Variants in SLC25A51 observed in about 807,000 individuals in gnomAD.
SLC25A51 encodes the protein mitochondrial nicotinamide adenine dinucleotide transporter SLC25A51.
A neutral mutation model predicts 19.1 loss-of-function variants in SLC25A51; 11 were observed. The ratio of observed to expected loss-of-function variants is 0.58; its 90% CI spans 0.36 to 0.96. The LOEUF is 0.96. Among genes scored for constraint, SLC25A51 ranks in the 40% least tolerant of loss-of-function variants. The probability of loss-of-function intolerance (pLI) is 0.01; values close to 1 mark genes in which losing one functional copy is unlikely to be tolerated. For missense variants in SLC25A51, 201 were observed against 365.4 expected, an observed-to-expected ratio of 0.55 and a Z score of 3.67; for synonymous variants, 105 against 133.6, an observed-to-expected ratio of 0.79 and a Z score of 1.47.
At chr9:37,885,875 CA>C, downstream of SLC25A51, 1 of 1,588,144 alleles carries the variant, frequency 6.3e-7, no homozygotes, top group Non-Finnish European at 8.6e-7. Context: ...TGATGACGTG[CA>C]AACCCCCCCC....
chr9:37,890,154 G>A (rs974866122), intron 2 of SLC25A51, among the ~76,000 whole-genome samples: 17 of 152,140 alleles, frequency 1.1e-4, no homozygotes, highest in Non-Finnish European at 2.9e-5. Flanking sequence ...GGAGGCTGGG[G>A]CAGGAGGATT....
downstream of SLC25A51, among the ~76,000 whole-genome samples, chr9:37,884,328 C>T (rs1299286269): frequency 6.6e-6 from 1 of 152,182 alleles, no homozygotes; most frequent in East Asian, 1.9e-4. Context: ...TGCTATTTGG[C>T]TATTACCTAC....
At chr9:37,885,835 T>A, downstream of SLC25A51, 3 of 1,605,464 alleles carry the variant, frequency 1.9e-6, no homozygotes, top group Non-Finnish European at 2.6e-6. Context: ...CGCATGGGCC[T>A]ACTTTACATC....
At chr9:37,885,985 C>A, downstream of SLC25A51, 1 of 1,613,702 alleles carries the variant, frequency 6.2e-7, no homozygotes, top group Non-Finnish European at 8.5e-7. Context: ...TTGTGGAGTT[C>A]TTTGCCAATT....
At chr9:37,891,865 ATTT>A (rs1554693907) in intron 2 of SLC25A51, among the ~76,000 whole-genome samples, 1 of 132,806 alleles carries the variant, frequency 7.5e-6, no homozygotes, top group African/African-American at 2.8e-5. Context: ...AAAAAAAAAA[ATTT>A]TATATATATA....
chr9:37,879,955 C>T (rs907125069), exon 4 of SLC25A51: 4 of 152,290 alleles, frequency 2.6e-5, no homozygotes, highest in Admixed American at 6.5e-5. Flanking sequence ...ATCATCCTGT[C>T]TCCTGTAGGC....
chr9:37,902,964 G>A (rs990750510), intron 1 of SLC25A51, among the ~76,000 whole-genome samples: 7 of 152,202 alleles, frequency 4.6e-5, no homozygotes, highest in African/African-American at 7.2e-5. Context: ...AACAAGATCA[G>A]CCTGGGTCTA....
downstream of SLC25A51, chr9:37,886,113 G>C (rs16934566): frequency 1.4e-3 from 2,085 of 1,462,986 alleles, 26 homozygotes; most frequent in African/African-American, 0.026. Flanking sequence ...GTTAGTACGC[G>C]GTACAAAGTG....
At chr9:37,889,794 CCTT>C (rs1831539992) in intron 2 of SLC25A51, among the ~76,000 whole-genome samples, 1 of 150,246 alleles carries the variant, frequency 6.7e-6, no homozygotes, top group Admixed American at 6.7e-5. Context: ...TAATACACCT[CCTT>C]CTGTAAAATG....
At chr9:37,902,561 T>G (rs1383730956) in intron 1 of SLC25A51, among the ~76,000 whole-genome samples, 2 of 152,250 alleles carry the variant, frequency 1.3e-5, no homozygotes, top group African/African-American at 4.8e-5. Flanking sequence ...GTAGTACAGT[T>G]TAGACTTTTG....
chr9:37,885,895 T>C, downstream of SLC25A51: 1 of 1,538,338 alleles, frequency 6.5e-7, no homozygotes, highest in Non-Finnish European at 9.0e-7. Flanking sequence ...CCTCCCCATA[T>C]ATGGGCCCTG....
chr9:37,889,195 T>C (rs945566895), intron 2 of SLC25A51, among the ~76,000 whole-genome samples: 1 of 152,194 alleles, frequency 6.6e-6, no homozygotes, highest in Non-Finnish European at 1.5e-5. Flanking sequence ...ACGGTATCTA[T>C]CTATTGTCCT....
chr9:37,896,941 G>A (rs557044015), intron 2 of SLC25A51, among the ~76,000 whole-genome samples: 56 of 152,116 alleles, frequency 3.7e-4, no homozygotes, highest in Non-Finnish European at 6.0e-4. Context: ...TAGACTATAG[G>A]GAGATAAGTG....
chr9:37,878,265 G>A (rs547725662), downstream of SLC25A51: 65 of 170,732 alleles, frequency 3.8e-4, no homozygotes, highest in Non-Finnish European at 7.9e-4. Context: ...GGAAGGAAAA[G>A]CTGCAATCTC....
chr9:37,894,445 G>C (rs1401359222), intron 2 of SLC25A51, among the ~76,000 whole-genome samples: 1 of 151,742 alleles, frequency 6.6e-6, no homozygotes, highest in Non-Finnish European at 1.5e-5. Context: ...TCCTGCCTCA[G>C]CCTCCCGAGT....
At chr9:37,882,627 G>A (rs537928986), downstream of SLC25A51, among the ~76,000 whole-genome samples, 5 of 152,090 alleles carry the variant, frequency 3.3e-5, no homozygotes, top group Non-Finnish European at 5.9e-5. Flanking sequence ...ACACATATTC[G>A]CCACCATATC....
chr9:37,900,529 T>A (rs190549275), intron 1 of SLC25A51, among the ~76,000 whole-genome samples: 1 of 152,006 alleles, frequency 6.6e-6, no homozygotes, highest in Non-Finnish European at 1.5e-5. Context: ...CACTGCAGCC[T>A]GGACCCCTGG....
chr9:37,883,681 G>A (rs1831390777), downstream of SLC25A51, among the ~76,000 whole-genome samples: 1 of 152,378 alleles, frequency 6.6e-6, no homozygotes, highest in South Asian at 2.1e-4. Flanking sequence ...GCATGATTGA[G>A]GGGGTCAGGC....
In SLC25A51 at chr9:37,887,675, G is replaced by C. The variant is rs767153901; in HGVS notation, c.876C>G (p.Phe292Leu). ...SWGIINATYE[F>L]LLKVI is the part of the protein sequence containing the mutation. ...GGTTTTTTCATATAACCTTTAACAA[G>C]AACTCATAAGTTGCATTGATTATGC... The change falls in exon 3 of 3, where the codon TTC (phenylalanine) becomes TTG (leucine). Residue 292 changes from phenylalanine (F) to leucine (L), a missense_variant. Phe to Leu is a conservative substitution (Grantham distance 22). Coordinates refer to ENST00000242275, the MANE Select transcript of SLC25A51 (RefSeq NM_033412.4). 6.2e-6 allele frequency: 10 copies of C among 1,610,068 alleles called. No individual in the cohort carries two copies. In the South Asian group the frequency reaches 8.8e-5, roughly 14 times the overall value.
Sources: allele counts gnomAD v4.1 joint callset (sites outside exome capture counted in the v4.1 genomes callset), GRCh38; gene constraint gnomAD v4.1.1; transcripts MANE v1.5; gene names NCBI Gene and HGNC (gene_info 2026-07-23, HGNC 2026-07-21).